Variants in SLIT3 observed in about 807,000 individuals in gnomAD.
SLIT3 encodes the protein slit homolog 3 protein.
In SLIT3, 68 loss-of-function variants were observed where a neutral mutation model predicts 184.0. The ratio of observed to expected loss-of-function variants is 0.37; its 90% CI spans 0.30 to 0.45. SLIT3 has a LOEUF of 0.45. SLIT3 is among the 20% of genes least tolerant of loss of function. SLIT3 has a pLI of 1.00. For missense variants in SLIT3, 1,707 were observed against 2,026.0 expected, an observed-to-expected ratio of 0.84 and a Z score of 3.02; for synonymous variants, 831 against 828.6, an observed-to-expected ratio of 1.00 and a Z score of -0.05.
intron 4 of SLIT3, among the ~76,000 whole-genome samples, chr5:169,067,393 G>A (rs561494802): frequency 1.7e-3 from 260 of 152,100 alleles, no homozygotes; most frequent in Non-Finnish European, 2.8e-3. Flanking sequence ...CCATCTCAGC[G>A]AGACTCCACC....
At chr5:168,718,490 T>C (rs1001634641) in intron 23 of SLIT3, among the ~76,000 whole-genome samples, 6 of 152,072 alleles carry the variant, frequency 3.9e-5, no homozygotes, top group Admixed American at 6.5e-5. Context: ...TGACTTGGTG[T>C]GGAGCAAAGA....
chr5:168,907,895 CATAT>C (rs557118585), intron 4 of SLIT3, among the ~76,000 whole-genome samples: 4 of 82,180 alleles, frequency 4.9e-5, no homozygotes, highest in Admixed American at 2.6e-4. Context: ...TGATATATAT[CATAT>C]ATATATAGAT....
chr5:169,053,112 C>T (rs1031649034), intron 4 of SLIT3, among the ~76,000 whole-genome samples: 1 of 152,214 alleles, frequency 6.6e-6, no homozygotes, highest in African/African-American at 2.4e-5. Flanking sequence ...CATGCTAATG[C>T]TCTTCTGAAA....
intron 4 of SLIT3, among the ~76,000 whole-genome samples, chr5:169,129,285 C>G (rs1008725599): frequency 9.2e-5 from 14 of 152,298 alleles, no homozygotes; most frequent in African/African-American, 2.9e-4. Flanking sequence ...GGTGTGGTGG[C>G]TCATGCCTGT....
chr5:168,768,463 A>G (rs1241329561), intron 14 of SLIT3, among the ~76,000 whole-genome samples: 1 of 152,144 alleles, frequency 6.6e-6, no homozygotes, highest in Admixed American at 6.5e-5. Context: ...AACGGGAGGG[A>G]AATCACTGGA....
Position 168,753,113 on chromosome 5 carries a change from G to A in SLIT3, c.1830-15C>T, listed in dbSNP as rs779414124. The stretch of plus-strand genomic sequence containing the variant: ...TCCTCAGCATCCTACAGGGAGAGGG[G>A]TGGGGATGAGAGAGCACAGGCATGA... On this transcript the variant is annotated splice_polypyrimidine_tract_variant and intron_variant, in intron 17 of 35. Coordinates refer to ENST00000519560, the MANE Select transcript of SLIT3 (RefSeq NM_003062.4). The A allele has an allele frequency of 2.7e-5, 44 of 1,613,678 alleles. No homozygotes were observed. Among genetic ancestry groups the A allele is most frequent in the Non-Finnish European group, 3.7e-5 (44 of 1,179,816 alleles).
chr5:169,300,483 G>A lies in SLIT3; in HGVS notation c.197+30C>T. 6.9e-7 allele frequency: 1 copy of A among 1,439,234 alleles called. No individual in the cohort carries two copies. Among genetic ancestry groups the A allele is most frequent in the Non-Finnish European group, 9.1e-7 (1 of 1,098,132 alleles). The allele number at this position is 1,439,234 out of a possible 1,614,324, so 89.2% of individuals were successfully genotyped here. ...CCCCTCGGTGGGACCCAGGTGGGTG[G>A]CCCGCGTGGGGTGGGGCAGGGGTAC... On this transcript the variant is annotated intron_variant, in intron 1 of 35. Coordinates refer to ENST00000519560, the MANE Select transcript of SLIT3 (RefSeq NM_003062.4). This position sits in a 1 kb window ranked among gnomAD's most constrained non-coding sequence, Gnocchi z 4.1.
intron 3 of SLIT3, among the ~76,000 whole-genome samples, chr5:169,237,362 C>CT (rs1269757196): frequency 6.6e-6 from 1 of 152,154 alleles, no homozygotes; most frequent in African/African-American, 2.4e-5. Flanking sequence ...TTTTACCATC[C>CT]TAAACCCCAC....
rs572995778 is a variant in SLIT3, at chr5:169,295,946, G to GTTCT, written c.197+4563_197+4566dup. Among the ~76,000 whole-genome samples, 826 of 152,344 alleles carry GTTCT rather than the reference G, an allele frequency of 5.4e-3. 4 individuals carry two copies. Among genetic ancestry groups the GTTCT allele is most frequent in the Middle Eastern group, 0.01 (3 of 294 alleles). ...GTGGTTTAAGTGCTCAGGATTTCCA[G>GTTCT]TTCTTTTCATGGGCATGTGCACAGT... On this transcript the variant is annotated intron_variant, in intron 1 of 35. Coordinates refer to ENST00000519560, the MANE Select transcript of SLIT3 (RefSeq NM_003062.4).
chr5:168,967,775 A>C (rs1195583264), intron 4 of SLIT3, among the ~76,000 whole-genome samples: 1 of 151,828 alleles, frequency 6.6e-6, no homozygotes, highest in Non-Finnish European at 1.5e-5. Flanking sequence ...CATTCCTTTC[A>C]TTGCACCTGT....
Position 168,722,244 on chromosome 5 carries a change from T to G in SLIT3, c.2483+12A>C. On this transcript the variant is annotated intron_variant, in intron 23 of 35. Coordinates refer to ENST00000519560, the MANE Select transcript of SLIT3 (RefSeq NM_003062.4). ...AATGTGTAAGTCAAAATCAGCACAT[T>G]GGGGTACTCACAGCACTCGCAGGGA... 1.1e-5 allele frequency: 17 copies of G among 1,613,274 alleles called. No homozygotes were observed. The highest frequency in any genetic ancestry group is 1.4e-5 in the Non-Finnish European group (17 of 1,179,266).
chr5:169,140,969 A>C (rs571685800), intron 4 of SLIT3, among the ~76,000 whole-genome samples: 1 of 152,332 alleles, frequency 6.6e-6, no homozygotes, highest in Non-Finnish European at 1.5e-5. Flanking sequence ...TGTCATCTTC[A>C]TGCCCTATGC....
At chr5:168,818,474 G>A (rs1757414957) in intron 7 of SLIT3, among the ~76,000 whole-genome samples, 1 of 152,208 alleles carries the variant, frequency 6.6e-6, no homozygotes, top group Non-Finnish European at 1.5e-5. Context: ...CTCTCTATCA[G>A]GGGTTTCCCA....
chr5:168,824,762 C>T (rs1395690993), intron 6 of SLIT3, among the ~76,000 whole-genome samples: 1 of 152,210 alleles, frequency 6.6e-6, no homozygotes, highest in Non-Finnish European at 1.5e-5. Flanking sequence ...CCACATCAGA[C>T]ATCCCTTACT....
intron 1 of SLIT3, among the ~76,000 whole-genome samples, chr5:169,267,404 C>A (rs940942263): frequency 1.3e-5 from 2 of 152,186 alleles, no homozygotes; most frequent in Non-Finnish European, 2.9e-5. Flanking sequence ...ATGTTTGAAT[C>A]CCTAAGGCTC....
Position 168,707,954 on chromosome 5 carries a change from G to T in SLIT3, c.2844+22C>A, listed in dbSNP as rs112611140. The T allele has an allele frequency of 2.4e-3, 3,915 of 1,613,848 alleles. 83 individuals carry two copies. In the African/African-American group the frequency reaches 0.043, roughly 18 times the overall value. On this transcript the variant is annotated intron_variant, in intron 26 of 35. Transcript: ENST00000519560. ...GGAGGAGCCTGAGGCATGAACACGG[G>T]GGGGCAGGGCCTCCAGCATACCTTG...
At chr5:169,082,105 G>A (rs1314933926) in intron 4 of SLIT3, among the ~76,000 whole-genome samples, 2 of 152,206 alleles carry the variant, frequency 1.3e-5, no homozygotes, top group East Asian at 3.8e-4. Context: ...ACTCGGAGAG[G>A]TGTAGGGACA....
chr5:168,734,629 C>T (rs78190171), intron 20 of SLIT3, among the ~76,000 whole-genome samples: 20,920 of 152,156 alleles, frequency 0.14, 1,828 homozygotes, highest in Non-Finnish European at 0.19. Context: ...TGGGTAGAAT[C>T]TCTGTAAATG....
At chr5:169,114,803 G>T (rs551721089) in intron 4 of SLIT3, among the ~76,000 whole-genome samples, 18 of 152,330 alleles carry the variant, frequency 1.2e-4, no homozygotes, top group Non-Finnish European at 2.2e-4. Context: ...CCCTGGCTCC[G>T]TGGCGGCAGA....
Sources: gnomAD v4.1 joint callset for allele counts (sites outside exome capture counted in the v4.1 genomes callset) on GRCh38, gnomAD v4.1.1 for gene constraint, Gnocchi (gnomAD v3.1) non-coding constraint, MANE v1.5 for transcripts, NCBI Gene and HGNC (gene_info 2026-07-23, HGNC 2026-07-21) for gene names.